Variants in RARB observed in about 807,000 individuals in gnomAD.
RARB encodes HBV-activated protein.
A neutral mutation model predicts 51.9 loss-of-function variants in RARB; 17 were observed. The observed-to-expected ratio is 0.33, with a 90% CI of 0.22 to 0.49. The LOEUF is 0.49. RARB is among the 20% of genes least tolerant of loss of function. RARB has a pLI of 0.99. For missense variants in RARB, 369 were observed against 550.8 expected, an observed-to-expected ratio of 0.67 and a Z score of 3.30; for synonymous variants, 215 against 195.4, an observed-to-expected ratio of 1.10 and a Z score of -0.84.
At chr3:24,968,004 A>G (rs1019846020) in intron 2 of RARB, among the ~76,000 whole-genome samples, 2 of 152,184 alleles carry the variant, frequency 1.3e-5, no homozygotes, top group Non-Finnish European at 2.9e-5. Context: ...ATGAAACTGT[A>G]AAACAATTAT....
intron 1 of RARB, among the ~76,000 whole-genome samples, chr3:24,839,368 A>T (rs1311264252): frequency 2.6e-5 from 4 of 152,012 alleles, no homozygotes. Context: ...AGTAAAAGGG[A>T]TAAGGATAAA....
At chr3:25,285,806 T>C (rs569634298) in intron 5 of RARB, among the ~76,000 whole-genome samples, 19 of 152,330 alleles carry the variant, frequency 1.2e-4, no homozygotes, top group African/African-American at 4.6e-4. Context: ...AAGAAGATTA[T>C]GTACAATATG....
intron 5 of RARB, among the ~76,000 whole-genome samples, chr3:25,337,917 T>G (rs1275328606): frequency 1.3e-5 from 2 of 152,146 alleles, no homozygotes; most frequent in African/African-American, 4.8e-5. Flanking sequence ...TTAATGAATT[T>G]AGTTGAACTA....
chr3:25,310,170 A>G (rs1300450746), intron 5 of RARB, among the ~76,000 whole-genome samples: 2 of 152,208 alleles, frequency 1.3e-5, no homozygotes, highest in African/African-American at 4.8e-5. Context: ...TGGCACGGTG[A>G]CGAGCAGCAC....
intron 2 of RARB, among the ~76,000 whole-genome samples, chr3:24,937,856 T>G (rs1485534134): frequency 1.3e-5 from 2 of 152,112 alleles, no homozygotes; most frequent in African/African-American, 4.8e-5. Context: ...AAATCTAGAT[T>G]TTTTGTTTCT....
intron 5 of RARB, among the ~76,000 whole-genome samples, chr3:25,412,757 T>C (rs940891979): frequency 9.2e-5 from 14 of 152,180 alleles, no homozygotes; most frequent in African/African-American, 3.4e-4. Context: ...CAGTGGCTCA[T>C]GCCTGTAATC....
At chr3:25,532,980 G>A (rs766376375) in intron 3 of RARB, among the ~76,000 whole-genome samples, 12 of 152,142 alleles carry the variant, frequency 7.9e-5, no homozygotes, top group Non-Finnish European at 1.8e-4. Flanking sequence ...GCAAAACTGA[G>A]GTCATGCCAA....
intron 2 of RARB, among the ~76,000 whole-genome samples, chr3:24,947,460 A>C (rs1233781413): frequency 6.6e-6 from 1 of 152,230 alleles, no homozygotes; most frequent in Non-Finnish European, 1.5e-5. Context: ...CATTTTGAGA[A>C]GTAGAACGTG....
chr3:25,041,979 G>A (rs961692217), intron 2 of RARB, among the ~76,000 whole-genome samples: 3 of 152,098 alleles, frequency 2.0e-5, no homozygotes, highest in African/African-American at 7.2e-5. Context: ...TGTCCCCAGG[G>A]CAGGGTGCAA....
chr3:25,402,762 G>C (rs1025236622), intron 5 of RARB, among the ~76,000 whole-genome samples: 3 of 152,036 alleles, frequency 2.0e-5, no homozygotes, highest in Admixed American at 2.0e-4. Context: ...CAAAACAATT[G>C]AACTCATGGC....
chr3:24,878,688 A>G (rs1168006892), intron 2 of RARB, among the ~76,000 whole-genome samples: 2 of 152,158 alleles, frequency 1.3e-5, no homozygotes, highest in African/African-American at 2.4e-5. Context: ...GTATGCCCAT[A>G]TATGCCAAAT....
rs547327949 is a variant in RARB, at chr3:25,542,152, A to G, written c.449-27606A>G. Among the ~76,000 whole-genome samples the G allele has an allele frequency of 1.4e-4, 21 of 152,368 alleles. 1 individual carries two copies. In the South Asian group the frequency reaches 3.5e-3, roughly 26 times the overall value. ...CTATCAGCTAATGCTGATCAATTGT[A>G]TCATCGGATTCTGAGGCTATATTTG... On this transcript the variant is annotated intron_variant, in intron 3 of 7. Coordinates refer to ENST00000330688, the MANE Select transcript of RARB (RefSeq NM_000965.5).
intron 5 of RARB, among the ~76,000 whole-genome samples, chr3:25,312,242 A>G (rs987604852): frequency 6.6e-6 from 1 of 152,232 alleles, no homozygotes; most frequent in African/African-American, 2.4e-5. Flanking sequence ...TAAGGTTATC[A>G]TTAAAAGTAA....
At chr3:25,452,665 G>A (rs74657341) in intron 1 of RARB, among the ~76,000 whole-genome samples, 1 of 31,236 alleles carries the variant, frequency 3.2e-5, no homozygotes. Context: ...TTTAAAAAGC[G>A]GGGGGGGTTT....
chr3:25,307,766 G>T (rs913156555), intron 5 of RARB, among the ~76,000 whole-genome samples: 9 of 151,496 alleles, frequency 5.9e-5, no homozygotes, highest in African/African-American at 2.2e-4. Context: ...TAGATAAGCA[G>T]CTTCTCCAGC....
At chr3:24,989,183 T>C (rs542560541) in intron 2 of RARB, among the ~76,000 whole-genome samples, 90 of 152,342 alleles carry the variant, frequency 5.9e-4, no homozygotes, top group African/African-American at 2.1e-3. Flanking sequence ...TTATTTCTTA[T>C]ATACGTGGTA....
At chr3:25,146,875 G>A (rs1700202548) in intron 4 of RARB, among the ~76,000 whole-genome samples, 1 of 152,152 alleles carries the variant, frequency 6.6e-6, no homozygotes, top group African/African-American at 2.4e-5. Context: ...CTAAGCTGTC[G>A]TACTGCATAT....
intron 3 of RARB, among the ~76,000 whole-genome samples, chr3:25,097,926 C>A (rs1699331092): frequency 6.6e-6 from 1 of 152,152 alleles, no homozygotes; most frequent in South Asian, 2.1e-4. Flanking sequence ...ACTTAAGATT[C>A]AAAGAGAAAA....
At chr3:25,363,407 C>T (rs1706013915) in intron 5 of RARB, among the ~76,000 whole-genome samples, 1 of 152,170 alleles carries the variant, frequency 6.6e-6, no homozygotes. Flanking sequence ...ATGTCCAGAA[C>T]TCAATTCCAG....
Sources: gnomAD v4.1 joint callset for allele counts (sites outside exome capture counted in the v4.1 genomes callset) on GRCh38, gnomAD v4.1.1 for gene constraint, MANE v1.5 for transcripts, NCBI Gene and HGNC (gene_info 2026-07-23, HGNC 2026-07-21) for gene names.